Variants in TFEC observed in about 807,000 individuals in gnomAD.
TFEC encodes transcription factor EC.
Under a neutral mutation model 41.6 loss-of-function variants are expected in TFEC, and 31 were observed. The observed-to-expected ratio is 0.74, with a 90% CI of 0.56 to 1.01. TFEC has a LOEUF of 1.01. TFEC is among the 50% of genes least tolerant of loss of function. The pLI is 0.00. For synonymous variants in TFEC, 143 were observed against 140.6 expected (o/e 1.02, Z -0.12); for missense variants, 402 against 404.1 (o/e 0.99, Z 0.04).
At chr7:116,128,551 T>G (rs547888823) in intron 1 of TFEC, among the ~76,000 whole-genome samples, 1 of 152,150 alleles carries the variant, frequency 6.6e-6, no homozygotes, top group Non-Finnish European at 1.5e-5. Context: ...AAATAACTAA[T>G]TTTTATTTTT....
chr7:116,131,506 A>G (rs554936598), intron 1 of TFEC, among the ~76,000 whole-genome samples: 2 of 152,354 alleles, frequency 1.3e-5, no homozygotes, highest in East Asian at 3.9e-4. Context: ...GTAACCTTAC[A>G]TATATTAGAA....
At chr7:116,146,707 A>T (rs1251861327) in intron 1 of TFEC, among the ~76,000 whole-genome samples, 5 of 152,172 alleles carry the variant, frequency 3.3e-5, no homozygotes, top group African/African-American at 1.2e-4. Flanking sequence ...GAAAAAGTCC[A>T]CCAAATACCA....
intron 3 of TFEC, among the ~76,000 whole-genome samples, chr7:116,102,921 A>T (rs1339059477): frequency 6.6e-6 from 1 of 152,200 alleles, no homozygotes; most frequent in African/African-American, 2.4e-5. Context: ...TTTGCCTGTG[A>T]TAGTATGAAA....
chr7:115,972,729 C>A (rs1793190017), intron 3 of TFEC, among the ~76,000 whole-genome samples: 1 of 152,036 alleles, frequency 6.6e-6, no homozygotes, highest in African/African-American at 2.4e-5. Flanking sequence ...TGTAAAAGTA[C>A]ATTGTGTATA....
intron 1 of TFEC, among the ~76,000 whole-genome samples, chr7:116,124,755 C>A (rs369542992): frequency 6.6e-6 from 1 of 152,154 alleles, no homozygotes; most frequent in South Asian, 2.1e-4. Context: ...AATTTTCCCC[C>A]AATTTTTCAA....
Position 116,046,913 on chromosome 7 carries a change from T to C in TFEC, c.199-62400A>G, listed in dbSNP as rs899907001. On this transcript the variant is annotated intron_variant, in intron 3 of 8. Coordinates refer to the TFEC transcript ENST00000484212. ...GAGCTGTAACACAATCCCTTGAATT[T>C]ATTATTTAAAACCCTCTCAGGGAGA... Among the ~76,000 whole-genome samples, 3 of 152,362 alleles carry C rather than the reference T, an allele frequency of 2.0e-5. No homozygotes were observed. In the East Asian group the frequency reaches 5.8e-4, roughly 29 times the overall value.
At chr7:116,038,792 G>C (rs1275012547) in intron 3 of TFEC, among the ~76,000 whole-genome samples, 1 of 151,968 alleles carries the variant, frequency 6.6e-6, no homozygotes, top group Admixed American at 6.6e-5. Flanking sequence ...GGATATGCTG[G>C]TGTAACAAAC....
intron 1 of TFEC, among the ~76,000 whole-genome samples, chr7:116,116,534 CT>C (rs1209954940): frequency 6.6e-6 from 1 of 151,906 alleles, no homozygotes; most frequent in Non-Finnish European, 1.5e-5. Flanking sequence ...AGCTAAATGA[CT>C]CTCTGTAGTA....
At chr7:116,095,445 C>T (rs1295869879) in intron 3 of TFEC, among the ~76,000 whole-genome samples, 2 of 152,048 alleles carry the variant, frequency 1.3e-5, no homozygotes, top group Admixed American at 6.6e-5. Flanking sequence ...TACACACATA[C>T]ACATATACAT....
At chr7:116,049,303 A>G (rs1796249972) in intron 3 of TFEC, among the ~76,000 whole-genome samples, 1 of 152,208 alleles carries the variant, frequency 6.6e-6, no homozygotes, top group African/African-American at 2.4e-5. Flanking sequence ...AAGCAAATGG[A>G]AAACAAAAAA....
rs369701792 is a variant in TFEC at position 115,993,268 on chromosome 7, C to T, written c.-72-8755G>A. 3.9e-5 allele frequency among the ~76,000 whole-genome samples: 6 copies of T among 152,240 alleles called. No homozygotes were observed. The East Asian group carries it at 1.2e-3, about 29-fold the overall frequency. ...CAATATCATACTGAATGGGAAAAAA[C>T]TAGAAGCATTCCCTTTGAAAACTGG... On this transcript the variant is annotated intron_variant, in intron 1 of 7. Transcript: ENST00000265440.
At chr7:116,122,672 T>G (rs970793721) in intron 1 of TFEC, among the ~76,000 whole-genome samples, 2 of 152,054 alleles carry the variant, frequency 1.3e-5, no homozygotes, top group Non-Finnish European at 2.9e-5. Context: ...AAGTAACCAT[T>G]GGCTTAGCAT....
At position 116,133,938 on chromosome 7, in the gene TFEC, C is replaced by A. The variant is rs541966538; in HGVS notation, c.-68-21900G>T. Among the ~76,000 whole-genome samples the A allele has an allele frequency of 1.3e-4, 20 of 150,928 alleles. 1 individual carries two copies. The highest frequency in any genetic ancestry group is 8.3e-4 in the South Asian group (4 of 4,794). ...TAATAATGCAAAACAATAGCAACAA[C>A]AAAAAAAAATTAGATCAACATAAGC... On this transcript the variant is annotated intron_variant, in intron 1 of 8. Transcript: ENST00000484212.
rs375390217 is a variant in TFEC, at chr7:116,042,591, T to A, written c.199-58078A>T. ...ACTTAACCTTGGACATAATTAATAA[T>A]CTGTAATGACTTTTTATTAACCATA... is the stretch of plus-strand genomic sequence containing the variant. On this transcript the variant is annotated intron_variant, in intron 3 of 8. Transcript: ENST00000484212. Among the ~76,000 whole-genome samples the A allele has an allele frequency of 3.9e-4, 59 of 152,314 alleles. No homozygotes were observed. The East Asian group carries it at 5.2e-3, about 13-fold the overall frequency.
chr7:116,104,279 G>GGCTT (rs1365923974), intron 3 of TFEC, among the ~76,000 whole-genome samples: 6 of 152,098 alleles, frequency 3.9e-5, no homozygotes, highest in African/African-American at 1.4e-4. Context: ...CTCAGCTTCA[G>GGCTT]TGAGCCATTT....
At position 115,940,875 on chromosome 7, in the gene TFEC, C is replaced by T. The variant is rs77901105; in HGVS notation, c.720G>A (p.Thr240=). 9.2e-4 allele frequency: 1,482 copies of T among 1,612,488 alleles called. 1 individual carries two copies. The highest frequency in any genetic ancestry group is 9.8e-4 in the Non-Finnish European group (1,157 of 1,179,018). Reference sequence around the variant, plus strand: ...TGGTGACATGAGCACCTAAATCAACCGTGCCAAGTGAAGCCAGGGTTGGCA... The same window carrying T: ...TGGTGACATGAGCACCTAAATCAACTGTGCCAAGTGAAGCCAGGGTTGGCA... ...HGLPTLASLG[T]VDLGAHVTKQ... is the part of the protein sequence containing the mutation. Residue 240 remains threonine (T), a synonymous_variant, in exon 8 of 8, where the codon ACG becomes ACA. Coordinates refer to ENST00000265440, the MANE Select transcript of TFEC (RefSeq NM_012252.4).
intron 1 of TFEC, among the ~76,000 whole-genome samples, chr7:115,988,932 G>A (rs926980865): frequency 6.6e-6 from 1 of 152,036 alleles, no homozygotes; most frequent in Non-Finnish European, 1.5e-5. Flanking sequence ...AACCATGCAA[G>A]CAAGAAGAGA....
At position 115,969,976 on chromosome 7, in the gene TFEC, C is replaced by T. The variant is rs115975044; in HGVS notation, c.267+4194G>A. Among the ~76,000 whole-genome samples, 1,229 of 151,994 alleles carry T rather than the reference C, an allele frequency of 8.1e-3. 11 individuals carry two copies. The highest frequency in any genetic ancestry group is 0.028 in the African/African-American group (1,155 of 41,494). ...TTTTGGAGGAAGGACTTCTTTTCAG[C>T]CATGCTATGTTTAAGATACCTGTTA... On this transcript the variant is annotated intron_variant, in intron 3 of 7. Transcript: ENST00000265440.
At chr7:116,074,733 C>T (rs1321038682) in intron 3 of TFEC, among the ~76,000 whole-genome samples, 1 of 151,998 alleles carries the variant, frequency 6.6e-6, no homozygotes, top group Non-Finnish European at 1.5e-5. Context: ...GTTACCATAC[C>T]ATGTGCACCA....
Sources: gnomAD v4.1 joint callset for allele counts (sites outside exome capture counted in the v4.1 genomes callset) on GRCh38, gnomAD v4.1.1 for gene constraint, MANE v1.5 for transcripts, NCBI Gene and HGNC (gene_info 2026-07-23, HGNC 2026-07-21) for gene names.